The following UBR7 variants were observed in gnomAD, a reference collection of about 807,000 sequenced individuals.
The protein encoded by UBR7 is putative E3 ubiquitin-protein ligase UBR7.
UBR7 carries 22 observed loss-of-function variants against 57.0 expected under a neutral mutation model. That is an observed-to-expected ratio of 0.39 (90% CI 0.28 to 0.55). The LOEUF (loss-of-function observed/expected upper bound fraction) is 0.55, where lower values mean the gene tolerates loss of function less well. UBR7 is among the 20% of genes least tolerant of loss of function. The pLI is 0.69. For missense variants in UBR7, 395 were observed against 513.2 expected (o/e 0.77, Z 2.23); for synonymous variants, 167 against 179.8 (o/e 0.93, Z 0.57).
rs1894867135 is a variant in UBR7 at position 93,227,013 on chromosome 14, G to A, written c.1256G>A (p.Gly419Glu). ...FQSKKRRRVDGMQYYCS is the reference protein window; with the variant it reads ...FQSKKRRRVDEMQYYCS Reference sequence around the variant, plus strand: ...TCAAAAAAGAGAAGAAGAGTGGATGGGATGCAGTATTACTGCAGCTAGAGT... The same window carrying A: ...TCAAAAAAGAGAAGAAGAGTGGATGAGATGCAGTATTACTGCAGCTAGAGT... The change falls in exon 11 of 11, where the codon GGG (glycine) becomes GAG (glutamate). Residue 419 changes from glycine (G) to glutamate (E), a missense_variant. Coordinates refer to ENST00000013070, the MANE Select transcript of UBR7 (RefSeq NM_175748.4). The A allele has an allele frequency of 6.2e-7, 1 of 1,612,210 alleles. No homozygotes were observed. Among genetic ancestry groups the A allele is most frequent in the Middle Eastern group, 1.7e-4 (1 of 6,056 alleles).
At chr14:93,213,587 G>C (rs999222831) in intron 4 of UBR7, among the ~76,000 whole-genome samples, 1 of 152,140 alleles carries the variant, frequency 6.6e-6, no homozygotes, top group Non-Finnish European at 1.5e-5. Flanking sequence ...GATTACAGGC[G>C]TGAGCCACCG....
intron 4 of UBR7, among the ~76,000 whole-genome samples, chr14:93,213,936 CT>C (rs994731116): frequency 2.7e-5 from 4 of 146,936 alleles, no homozygotes; most frequent in Non-Finnish European, 6.0e-5. Flanking sequence ...TTTTTTTTTT[CT>C]TTTTTTTAAG....
intron 10 of UBR7, among the ~76,000 whole-genome samples, chr14:93,226,259 G>A (rs73340042): frequency 0.056 from 8,475 of 152,000 alleles, 358 homozygotes; most frequent in African/African-American, 0.12. Flanking sequence ...CTTTTTGCTC[G>A]AATTCATTCA....
intron 3 of UBR7, 104 bp downstream of exon 3, chr14:93,210,812 C>T: frequency 1.0e-6 from 1 of 971,154 alleles, no homozygotes; most frequent in Non-Finnish European, 1.6e-6. Context: ...AAAAGAAGTT[C>T]TTATGCTTAT....
intron 9 of UBR7, among the ~76,000 whole-genome samples, chr14:93,221,013 T>C (rs905344702): frequency 6.6e-6 from 1 of 152,124 alleles, no homozygotes; most frequent in African/African-American, 2.4e-5. Flanking sequence ...TGGTGCATTC[T>C]CAGCTCACTG....
chr14:93,223,079 C>T (rs1031985269), intron 10 of UBR7, among the ~76,000 whole-genome samples: 2 of 152,116 alleles, frequency 1.3e-5, no homozygotes, highest in African/African-American at 4.8e-5. Flanking sequence ...TTCTGGAATT[C>T]TAAGTTCCAT....
At chr14:93,224,657 A>T (rs3783892) in intron 10 of UBR7, among the ~76,000 whole-genome samples, 1 of 152,082 alleles carries the variant, frequency 6.6e-6, no homozygotes, top group African/African-American at 2.4e-5. Flanking sequence ...GATTACAGGC[A>T]TGAGCCACCT....
intron 10 of UBR7, among the ~76,000 whole-genome samples, chr14:93,225,303 A>G (rs987892401): frequency 4.0e-5 from 6 of 151,524 alleles, no homozygotes; most frequent in African/African-American, 1.2e-4. Flanking sequence ...TAATGTTTGT[A>G]TCTAACAAAA....
At chr14:93,224,076 AT>A in intron 10 of UBR7, 2 of 1,030,940 alleles carry the variant, frequency 1.9e-6, no homozygotes, top group Non-Finnish European at 3.0e-6. Context: ...GGTGTGTGGC[AT>A]TTGGGGGTGG....
In UBR7 at chr14:93,227,400, G is replaced by A; in HGVS notation, c.*365G>A. 1.5e-6 allele frequency: 1 copy of A among 656,264 alleles called. No homozygotes were observed. 40.7% of individuals were successfully genotyped at this position (656,264 alleles called of 1,614,324 possible). On this transcript the variant is annotated 3_prime_UTR_variant, in exon 11 of 11. Coordinates refer to ENST00000013070, the MANE Select transcript of UBR7 (RefSeq NM_175748.4). ...GTGTGTGTTTTGCCACAGAGCTGTT[G>A]CCTTCCAGAACCTCCTCCGCAGGCA...
At chr14:93,221,454 C>T (rs918959684) in intron 9 of UBR7, among the ~76,000 whole-genome samples, 4 of 149,430 alleles carry the variant, frequency 2.7e-5, no homozygotes, top group Non-Finnish European at 5.9e-5. Context: ...AGGGTTTCAC[C>T]ATGTCACCCA....
intron 10 of UBR7, among the ~76,000 whole-genome samples, chr14:93,223,300 C>A (rs1894749054): frequency 6.9e-6 from 1 of 145,932 alleles, no homozygotes; most frequent in Non-Finnish European, 1.5e-5. Context: ...GAGGCTGAGG[C>A]AGGAGAAACG....
In UBR7 at chr14:93,228,344, G is replaced by T. The variant is rs549777069; in HGVS notation, c.*1309G>T. On this transcript the variant is annotated 3_prime_UTR_variant, in exon 11 of 11. Coordinates refer to ENST00000013070, the MANE Select transcript of UBR7 (RefSeq NM_175748.4). ...CCTCAGCTTCTCTCTGCCTCTGGAGGACCAAGGTCTTTCCTGACAGTCGGA... is the reference window on the plus strand; with the variant it reads ...CCTCAGCTTCTCTCTGCCTCTGGAGTACCAAGGTCTTTCCTGACAGTCGGA... 1 of 454,996 alleles carries T rather than the reference G, an allele frequency of 2.2e-6. No homozygotes were observed. The highest frequency in any genetic ancestry group is 2.0e-5 in the African/African-American group (1 of 50,132). 28.2% of individuals were successfully genotyped at this position (454,996 alleles called of 1,614,324 possible).
chr14:93,214,857 T>A (rs1894558238), intron 4 of UBR7, 72 bp from the exon 5 acceptor site: 2 of 1,333,198 alleles, frequency 1.5e-6, no homozygotes, highest in Non-Finnish European at 2.2e-6. Flanking sequence ...GTATCTTATT[T>A]TACTGTGTGC....
At chr14:93,224,061 G>T in intron 10 of UBR7, 1 of 1,019,800 alleles carries the variant, frequency 9.8e-7, no homozygotes, top group Non-Finnish European at 1.5e-6. Context: ...ATGTGGTAGA[G>T]GGGCGGTGTG....
chr14:93,208,994 T>C lies in UBR7; in HGVS notation c.151-830T>C, dbSNP rs116728103. On this transcript the variant is annotated intron_variant, in intron 1 of 10. Coordinates refer to ENST00000013070, the MANE Select transcript of UBR7 (RefSeq NM_175748.4). ...TGTATTTTTAGTGGATGGGGTGTTC[T>C]AGAGATGAGGTTTTCACCACGTTGA... 3.0e-3 allele frequency among the ~76,000 whole-genome samples: 453 copies of C among 152,220 alleles called. 2 individuals are homozygous for C. Among genetic ancestry groups the C allele is most frequent in the African/African-American group, 0.01 (419 of 41,546 alleles).
intron 10 of UBR7, 95 bp from the exon 11 acceptor site, chr14:93,226,848 T>C: frequency 1.3e-6 from 1 of 794,140 alleles, no homozygotes; most frequent in Non-Finnish European, 2.1e-6. Context: ...ACATAATTCT[T>C]AACAGTATCA....
chr14:93,225,701 G>T (rs537927479), intron 10 of UBR7, among the ~76,000 whole-genome samples: 1 of 152,290 alleles, frequency 6.6e-6, no homozygotes, highest in East Asian at 1.9e-4. Flanking sequence ...AAACTGATTT[G>T]TTATTGAACC....
rs888488862 is a variant in UBR7 at position 93,216,142 on chromosome 14, C to T, written c.601+861C>T. ...GCTCGCTTGGGCCTCTTTTATAAGT[C>T]AGAGCCCTCGTGAATGGGATTAGTG... On this transcript the variant is annotated intron_variant, in intron 6 of 10. Transcript: ENST00000013070. 3.3e-5 allele frequency among the ~76,000 whole-genome samples: 5 copies of T among 152,178 alleles called. No individual in the cohort carries two copies. The East Asian group carries it at 9.6e-4, about 29-fold the overall frequency.
Sources: allele counts gnomAD v4.1 joint callset (sites outside exome capture counted in the v4.1 genomes callset), GRCh38; gene constraint gnomAD v4.1.1; transcripts MANE v1.5; gene names NCBI Gene and HGNC (gene_info 2026-07-23, HGNC 2026-07-21).